SMIM35: variants seen among roughly 807,000 people sequenced by gnomAD.
SMIM35 encodes small integral membrane protein 35.
intron 1 of SMIM35, among the ~76,000 whole-genome samples, chr11:118,017,645 C>T (rs1015790247): frequency 6.6e-6 from 1 of 152,014 alleles, no homozygotes; most frequent in Non-Finnish European, 1.5e-5. Context: ...ATTGAGAAGA[C>T]CTAAAGGAGG....
intron 1 of SMIM35, among the ~76,000 whole-genome samples, chr11:118,027,794 G>A (rs1170664272): frequency 6.6e-6 from 1 of 152,212 alleles, no homozygotes; most frequent in African/African-American, 2.4e-5. Flanking sequence ...CCACAAAGGT[G>A]TTTGAGAGAA....
intron 1 of SMIM35, among the ~76,000 whole-genome samples, chr11:118,047,203 G>A (rs1352590163): frequency 1.3e-5 from 2 of 152,184 alleles, no homozygotes; most frequent in African/African-American, 2.4e-5. Flanking sequence ...GTGCATCTGC[G>A]AGGGTCTAAG....
chr11:118,028,815 G>C (rs2058294475), intron 1 of SMIM35: 1 of 452,662 alleles, frequency 2.2e-6, no homozygotes, highest in Admixed American at 2.4e-5. Flanking sequence ...GGAGAAACAA[G>C]AGGAGAAGTA....
intron 1 of SMIM35, among the ~76,000 whole-genome samples, chr11:118,042,552 A>G (rs896850441): frequency 3.4e-4 from 52 of 152,244 alleles, no homozygotes; most frequent in African/African-American, 1.2e-3. Flanking sequence ...AATATCAGTT[A>G]TTCACAAACT....
chr11:118,016,839 T>C (rs1357436997), intron 1 of SMIM35, among the ~76,000 whole-genome samples: 1 of 152,228 alleles, frequency 6.6e-6, no homozygotes, highest in Non-Finnish European at 1.5e-5. Context: ...AAATGCTCAA[T>C]AGATGTAAAT....
intron 1 of SMIM35, among the ~76,000 whole-genome samples, chr11:118,034,987 T>C (rs1445196109): frequency 4.0e-5 from 6 of 150,408 alleles, no homozygotes; most frequent in Non-Finnish European, 5.9e-5. Context: ...AGTTTCACTC[T>C]GTCGCCCAGG....
chr11:118,011,943 G>T (rs988713374), intron 4 of SMIM35, among the ~76,000 whole-genome samples: 8 of 152,178 alleles, frequency 5.3e-5, no homozygotes, highest in African/African-American at 1.9e-4. Flanking sequence ...TTAAGTCAAA[G>T]CCTGGCTATG....
chr11:118,024,006 T>C (rs922390916), intron 1 of SMIM35, among the ~76,000 whole-genome samples: 7 of 142,328 alleles, frequency 4.9e-5, no homozygotes, highest in African/African-American at 7.9e-5. Flanking sequence ...TAGAGTGAGA[T>C]GCCTTCTCCA....
intron 1 of SMIM35, among the ~76,000 whole-genome samples, chr11:118,072,527 ATTACTGTAGCT>A (rs772756635): frequency 3.3e-5 from 5 of 152,152 alleles, no homozygotes; most frequent in Non-Finnish European, 5.9e-5. Flanking sequence ...CATCCTACAA[ATTACTGTAGCT>A]AAGCAAAAAT....
At chr11:118,076,231 C>T (rs1302689165) in intron 1 of SMIM35, among the ~76,000 whole-genome samples, 5 of 152,180 alleles carry the variant, frequency 3.3e-5, no homozygotes, top group Non-Finnish European at 7.3e-5. Flanking sequence ...AAGATCGCGC[C>T]ACTGCACTCC....
At chr11:118,017,531 G>C (rs1042528699) in intron 1 of SMIM35, among the ~76,000 whole-genome samples, 6 of 152,144 alleles carry the variant, frequency 3.9e-5, no homozygotes, top group African/African-American at 1.4e-4. Context: ...ATATTAGAGG[G>C]TGGTAAATGC....
chr11:118,079,553 G>C (rs1402371441), intron 1 of SMIM35, among the ~76,000 whole-genome samples: 2 of 152,188 alleles, frequency 1.3e-5, no homozygotes, highest in Non-Finnish European at 1.5e-5. Context: ...CCCTGGGACT[G>C]GTTATCCTGG....
chr11:118,061,575 G>T (rs889440215), intron 1 of SMIM35, among the ~76,000 whole-genome samples: 2 of 152,064 alleles, frequency 1.3e-5, no homozygotes, highest in Non-Finnish European at 2.9e-5. Context: ...AAGTGGGAGG[G>T]GTGGGGGATA....
intron 1 of SMIM35, among the ~76,000 whole-genome samples, chr11:118,031,377 C>T (rs1302827736): frequency 2.0e-5 from 3 of 152,142 alleles, no homozygotes; most frequent in South Asian, 2.1e-4. Flanking sequence ...TGGCTGATTT[C>T]AGTACCAGCA....
At chr11:118,023,585 T>C (rs537212660) in intron 1 of SMIM35, among the ~76,000 whole-genome samples, 1 of 144,924 alleles carries the variant, frequency 6.9e-6, no homozygotes, top group Admixed American at 7.2e-5. Context: ...ACCCAAATTA[T>C]TTCCAGGGAT....
chr11:118,055,194 CCTGCCTCCCATGTCT>C, intron 1 of SMIM35, among the ~76,000 whole-genome samples: 2 of 152,290 alleles, frequency 1.3e-5, no homozygotes, highest in East Asian at 3.9e-4. Context: ...GAAGGCCGTC[CCTGCCTCCCATGTCT>C]CTGGTATGAC....
intron 1 of SMIM35, among the ~76,000 whole-genome samples, chr11:118,017,737 ACAGTT>A (rs60307932): frequency 0.039 from 5,877 of 152,250 alleles, 276 homozygotes; most frequent in African/African-American, 0.12. Flanking sequence ...TAATTGACTC[ACAGTT>A]CAGCATGGCT....
rs2058161783 is a variant in SMIM35, at chr11:118,013,730, C to T, written c.*33+18G>A. 5.0e-6 allele frequency: 2 copies of T among 399,072 alleles called. No homozygotes were observed. Among genetic ancestry groups the T allele is most frequent in the Non-Finnish European group, 4.4e-6 (1 of 226,144 alleles). The allele number at this position is 399,072 out of a possible 1,614,324, so 24.7% of individuals were successfully genotyped here. A position where few individuals can be genotyped will look rare whatever the true frequency, so the allele number is the denominator to read the frequency against. On this transcript the variant is annotated intron_variant, in intron 4 of 4. Coordinates refer to ENST00000689828, the MANE Select transcript of SMIM35 (RefSeq NM_001394165.1). ...TGGACATCAGGCTCACTCGGCAGCT[C>T]TCCCAACTCCAACTCACCTCCCCAG...
chr11:118,069,638 G>A (rs745463359), intron 1 of SMIM35, among the ~76,000 whole-genome samples: 11 of 152,204 alleles, frequency 7.2e-5, no homozygotes, highest in Non-Finnish European at 1.5e-4. Context: ...AAAAGCATGT[G>A]TCGGAAACTT....
Sources: allele counts gnomAD v4.1 joint callset (sites outside exome capture counted in the v4.1 genomes callset), GRCh38; gene constraint gnomAD v4.1.1; transcripts MANE v1.5; gene names NCBI Gene and HGNC (gene_info 2026-07-23, HGNC 2026-07-21).